Variants in IRF2 observed in about 807,000 individuals in gnomAD.
IRF2 encodes the protein interferon regulatory factor 2.
In IRF2, 15 loss-of-function variants were observed where a neutral mutation model predicts 40.6. The observed-to-expected ratio is 0.37, with a 90% confidence interval of 0.25 to 0.57. The LOEUF (loss-of-function observed/expected upper bound fraction) is 0.57. IRF2 is among the 20% of genes least tolerant of loss of function. The pLI, the probability that IRF2 is intolerant of heterozygous loss-of-function variation, is 0.77. For missense variants in IRF2, 317 were observed against 455.7 expected (o/e 0.70, Z 2.77); for synonymous variants, 151 against 165.5 (o/e 0.91, Z 0.67).
In IRF2 at chr4:184,419,533, C is replaced by T. The variant is rs377713367; in HGVS notation, c.123G>A (p.Ala41=). The part of the protein sequence containing the change: ...KKIFQIPWMH[A]ARHGWDVEKD... ...TTTCCACATCCCACCCATGTCTAGC[C>T]GCATGCATCCAGGGGATCTGAAAAA... Residue 41 remains alanine (A), a synonymous_variant, in exon 3 of 9, where the codon GCG becomes GCA. Transcript: ENST00000393593. 2.6e-5 allele frequency: 41 copies of T among 1,587,886 alleles called. No homozygotes were observed. Among genetic ancestry groups the T allele is most frequent in the East Asian group, 9.0e-5 (4 of 44,594 alleles).
intron 6 of IRF2, chr4:184,407,295 T>C (rs2149896112): frequency 1.6e-6 from 2 of 1,246,058 alleles, no homozygotes; most frequent in South Asian, 1.3e-5. Context: ...TGAAAGAAAG[T>C]AAAAATAAAA....
At chr4:184,393,097 G>A (rs895782562) in intron 7 of IRF2, among the ~76,000 whole-genome samples, 3 of 152,194 alleles carry the variant, frequency 2.0e-5, no homozygotes, top group Non-Finnish European at 4.4e-5. Context: ...GTATCCTGAG[G>A]AGGCAGGAAT....
chr4:184,396,368 T>TCG, intron 7 of IRF2, among the ~76,000 whole-genome samples: 1 of 152,008 alleles, frequency 6.6e-6, no homozygotes, highest in South Asian at 2.1e-4. Flanking sequence ...GTGCTCCCAA[T>TCG]CGTTCCTCCC....
At position 184,436,294 on chromosome 4, in the gene IRF2, T is replaced by C. The variant is rs150757591; in HGVS notation, c.-6-7224A>G. ...CCGGCCATGGAACGCCTTTTCTTAT[T>C]ACCCAGTCACCCAATGGATCAGCAA... On this transcript the variant is annotated intron_variant, in intron 1 of 8. Transcript: ENST00000393593. 1.6e-4 allele frequency among the ~76,000 whole-genome samples: 24 copies of C among 152,262 alleles called. No individual in the cohort carries two copies. In the East Asian group the frequency reaches 3.9e-3, roughly 25 times the overall value.
At chr4:184,425,817 G>C (rs1737648447) in intron 2 of IRF2, among the ~76,000 whole-genome samples, 1 of 152,140 alleles carries the variant, frequency 6.6e-6, no homozygotes, top group African/African-American at 2.4e-5. Context: ...TCTCAACTGA[G>C]AGTCCCAGAA....
At chr4:184,472,848 C>G (rs1739562101) in intron 1 of IRF2, among the ~76,000 whole-genome samples, 1 of 152,230 alleles carries the variant, frequency 6.6e-6, no homozygotes, top group Admixed American at 6.5e-5. Flanking sequence ...ACCTGGTGCC[C>G]GACCACGGCT....
chr4:184,413,820 T>G lies in IRF2; in HGVS notation c.411+4347A>C, dbSNP rs1425423406. Among the ~76,000 whole-genome samples, 1 of 152,238 alleles carries G rather than the reference T, an allele frequency of 6.6e-6. No individual in the cohort carries two copies. The highest frequency in any genetic ancestry group is 1.5e-5 in the Non-Finnish European group (1 of 68,040). On this transcript the variant is annotated intron_variant, in intron 5 of 8. Coordinates refer to ENST00000393593, the MANE Select transcript of IRF2 (RefSeq NM_002199.4). The surrounding 1 kb of genome is among the most constrained non-coding windows in gnomAD (Gnocchi z 4.2). ...AGTACCCATTTCTATTCGCCCCACCTACATGCCTGTATTTCCCATTGCCCT... is the reference window on the plus strand; with the variant it reads ...AGTACCCATTTCTATTCGCCCCACCGACATGCCTGTATTTCCCATTGCCCT...
chr4:184,395,910 G>C (rs1266235135), intron 7 of IRF2, among the ~76,000 whole-genome samples: 2 of 152,184 alleles, frequency 1.3e-5, no homozygotes, highest in Non-Finnish European at 2.9e-5. Flanking sequence ...GGAATCTTTT[G>C]CTTGAGCAAA....
intron 6 of IRF2, among the ~76,000 whole-genome samples, chr4:184,401,557 G>C (rs1040863417): frequency 3.3e-5 from 5 of 152,186 alleles, no homozygotes; most frequent in African/African-American, 4.8e-5. Flanking sequence ...CTACGTGAGG[G>C]TGAGGACATC....
At chr4:184,434,139 G>A (rs1369780353) in intron 1 of IRF2, among the ~76,000 whole-genome samples, 7 of 152,196 alleles carry the variant, frequency 4.6e-5, no homozygotes, top group African/African-American at 1.7e-4. Context: ...TCCCACAGGC[G>A]CTAACAGTCA....
chr4:184,437,803 G>C (rs1738138630), intron 1 of IRF2, among the ~76,000 whole-genome samples: 1 of 147,946 alleles, frequency 6.8e-6, no homozygotes, highest in Non-Finnish European at 1.5e-5. Flanking sequence ...CTACTGCTCT[G>C]GGTCAGGACA....
At chr4:184,462,727 T>A (rs1415406319) in intron 1 of IRF2, among the ~76,000 whole-genome samples, 1 of 152,178 alleles carries the variant, frequency 6.6e-6, no homozygotes, top group Admixed American at 6.6e-5. Flanking sequence ...CCGAACAATT[T>A]TTCACCTTCT....
rs777994873 is a variant in IRF2 at position 184,388,641 on chromosome 4, C to G, written c.*117G>C. 1.5e-4 allele frequency: 164 copies of G among 1,077,172 alleles called. No homozygotes were observed. Among genetic ancestry groups the G allele is most frequent in the Non-Finnish European group, 2.1e-4 (154 of 739,210 alleles). The allele number at this position is 1,077,172 out of a possible 1,614,324, so 66.7% of individuals were successfully genotyped here. A position where few individuals can be genotyped will look rare whatever the true frequency, so the allele number is the denominator to read the frequency against. Reference sequence around the variant, plus strand: ...GACACAGCAATCAATGTTCTATTGTCAAGGCTTTTTCCCTTAGATTTGTCT... The same window carrying G: ...GACACAGCAATCAATGTTCTATTGTGAAGGCTTTTTCCCTTAGATTTGTCT... On this transcript the variant is annotated 3_prime_UTR_variant, in exon 9 of 9. Transcript: ENST00000393593. This position sits in a 1 kb window ranked among gnomAD's most constrained non-coding sequence, Gnocchi z 4.6.
At chr4:184,451,036 T>A (rs532582126) in intron 1 of IRF2, among the ~76,000 whole-genome samples, 1 of 152,338 alleles carries the variant, frequency 6.6e-6, no homozygotes, top group South Asian at 2.1e-4. Context: ...GTTTACCTCC[T>A]CCATTTCTTT....
At chr4:184,427,511 A>G (rs1158950693) in intron 2 of IRF2, among the ~76,000 whole-genome samples, 1 of 152,132 alleles carries the variant, frequency 6.6e-6, no homozygotes, top group Non-Finnish European at 1.5e-5. Flanking sequence ...AAAATTATCC[A>G]GGAGCGCACC....
intron 1 of IRF2, among the ~76,000 whole-genome samples, chr4:184,433,046 G>A (rs1737946094): frequency 6.6e-6 from 1 of 152,164 alleles, no homozygotes; most frequent in African/African-American, 2.4e-5. Context: ...GACAGGGAGG[G>A]CCCAGAGACC....
chr4:184,431,028 G>A (rs1177306596), intron 1 of IRF2, among the ~76,000 whole-genome samples: 1 of 152,116 alleles, frequency 6.6e-6, no homozygotes, highest in Non-Finnish European at 1.5e-5. Context: ...CCTACAAAGC[G>A]CAAATGTTGC....
At chr4:184,449,755 A>G (rs1371173602) in intron 1 of IRF2, among the ~76,000 whole-genome samples, 1 of 152,246 alleles carries the variant, frequency 6.6e-6, no homozygotes, top group Admixed American at 6.5e-5. Context: ...TTGTTTATGT[A>G]GATCTTGTTT....
chr4:184,417,837 T>C (rs1279766333), intron 5 of IRF2, among the ~76,000 whole-genome samples: 4 of 145,166 alleles, frequency 2.8e-5, no homozygotes, highest in Admixed American at 6.9e-5. Flanking sequence ...CTTAATAGTA[T>C]GAGAATAAGC....
Sources: allele counts gnomAD v4.1 joint callset (sites outside exome capture counted in the v4.1 genomes callset), GRCh38; gene constraint gnomAD v4.1.1; non-coding constraint Gnocchi (gnomAD v3.1); transcripts MANE v1.5; gene names NCBI Gene and HGNC (gene_info 2026-07-23, HGNC 2026-07-21).